Variants in SLC44A5 observed in about 807,000 individuals in gnomAD.
SLC44A5 encodes the protein choline transporter-like protein 5.
SLC44A5 carries 57 observed loss-of-function variants against 101.8 expected under a neutral mutation model. The observed-to-expected ratio is 0.56, with a 90% CI of 0.45 to 0.70. The LOEUF is 0.70. Among genes scored for constraint, SLC44A5 ranks in the 30% least tolerant of loss-of-function variants. The pLI is 0.00. For missense variants in SLC44A5, 737 were observed against 853.1 expected (o/e 0.86, Z 1.70); for synonymous variants, 281 against 290.9 (o/e 0.97, Z 0.35).
intron 4 of SLC44A5, among the ~76,000 whole-genome samples, chr1:75,335,027 C>A (rs1474015140): frequency 6.6e-6 from 1 of 152,184 alleles, no homozygotes; most frequent in African/African-American, 2.4e-5. Flanking sequence ...CAGTTTTGAT[C>A]ATGTCACACC....
chr1:75,608,725 T>A (rs1016399262), intron 1 of SLC44A5, among the ~76,000 whole-genome samples: 1 of 151,984 alleles, frequency 6.6e-6, no homozygotes, highest in African/African-American at 2.4e-5. Flanking sequence ...CACTGTAGGG[T>A]CTTTGCTCTG....
intron 2 of SLC44A5, among the ~76,000 whole-genome samples, chr1:75,457,177 G>A (rs1666231967): frequency 6.6e-6 from 1 of 152,076 alleles, no homozygotes; most frequent in African/African-American, 2.4e-5. Flanking sequence ...TCTTTCGCCT[G>A]TTAATGCAGT....
At chr1:75,232,310 T>C (rs527778449) in intron 12 of SLC44A5, among the ~76,000 whole-genome samples, 2 of 152,290 alleles carry the variant, frequency 1.3e-5, no homozygotes, top group East Asian at 3.9e-4. Context: ...GTTAAGTCAA[T>C]AGCAGACTTT....
At chr1:75,590,860 C>T (rs1260746532) in intron 1 of SLC44A5, among the ~76,000 whole-genome samples, 2 of 152,198 alleles carry the variant, frequency 1.3e-5, no homozygotes, top group South Asian at 4.1e-4. Context: ...TCTGAACCCA[C>T]CTGGAGCTTA....
chr1:75,324,062 G>A (rs138641140), intron 4 of SLC44A5, among the ~76,000 whole-genome samples: 116 of 152,324 alleles, frequency 7.6e-4, no homozygotes, highest in African/African-American at 2.5e-3. Flanking sequence ...ACAGAAGGAT[G>A]CACACTTAAA....
At chr1:75,567,942 T>C (rs1306242508) in intron 1 of SLC44A5, among the ~76,000 whole-genome samples, 1 of 152,218 alleles carries the variant, frequency 6.6e-6, no homozygotes, top group Non-Finnish European at 1.5e-5. Flanking sequence ...CTTCTTAATG[T>C]GTAGCTATTG....
At chr1:75,479,164 C>G (rs1212166827) in intron 2 of SLC44A5, among the ~76,000 whole-genome samples, 1 of 152,034 alleles carries the variant, frequency 6.6e-6, no homozygotes, top group East Asian at 1.9e-4. Context: ...GGGTACATAA[C>G]GAAATGAAGG....
upstream of SLC44A5, chr1:75,615,903 T>TC: frequency 4.1e-6 from 4 of 985,378 alleles, no homozygotes; most frequent in Non-Finnish European, 4.8e-6. Flanking sequence ...TCCCCTTCCC[T>TC]CCCCCGGACC....
At chr1:75,399,222 A>C (rs1447972007) in intron 2 of SLC44A5, among the ~76,000 whole-genome samples, 2 of 152,080 alleles carry the variant, frequency 1.3e-5, no homozygotes, top group Non-Finnish European at 2.9e-5. Flanking sequence ...AGCATCACTA[A>C]TGATGGGTCA....
chr1:75,424,191 C>T (rs766493096), intron 2 of SLC44A5, among the ~76,000 whole-genome samples: 4 of 152,236 alleles, frequency 2.6e-5, no homozygotes, highest in African/African-American at 9.6e-5. Flanking sequence ...ACCGATGACT[C>T]TCAGTCTAAA....
intron 2 of SLC44A5, among the ~76,000 whole-genome samples, chr1:75,443,561 T>C (rs1390384137): frequency 3.3e-5 from 5 of 151,984 alleles, no homozygotes; most frequent in Non-Finnish European, 5.9e-5. Context: ...ATTATAACTA[T>C]TGAAGCATTT....
chr1:75,586,387 T>TGTGTG (rs67069643), intron 1 of SLC44A5, among the ~76,000 whole-genome samples: 2 of 130,170 alleles, frequency 1.5e-5, no homozygotes, highest in African/African-American at 2.8e-5. Context: ...GTGTGTGTGT[T>TGTGTG]TGTGTGTATC....
At chr1:75,357,956 G>T (rs1253255128) in intron 3 of SLC44A5, among the ~76,000 whole-genome samples, 5 of 151,770 alleles carry the variant, frequency 3.3e-5, no homozygotes, top group South Asian at 2.1e-4. Context: ...ATTTAACATG[G>T]TTTTTGCACT....
At chr1:75,595,165 G>C (rs1468508800) in intron 1 of SLC44A5, among the ~76,000 whole-genome samples, 1 of 151,878 alleles carries the variant, frequency 6.6e-6, no homozygotes, top group Admixed American at 6.6e-5. Context: ...AATAATTCTA[G>C]AGTAACAAGT....
rs949774455 is a variant in SLC44A5, at chr1:75,602,769, A to T, written c.-70+8271T>A. Among the ~76,000 whole-genome samples, 5 of 152,124 alleles carry T rather than the reference A, an allele frequency of 3.3e-5. 1 individual carries two copies. The South Asian group carries it at 8.3e-4, about 25-fold the overall frequency. On this transcript the variant is annotated intron_variant, in intron 1 of 23. Transcript: ENST00000370859. ...CAAAGTGAAAGGTGCTGTTAATACT[A>T]GTTTGTGAAGCATAAATGCCCAGTA...
At chr1:75,568,767 A>G (rs1285745955) in intron 1 of SLC44A5, among the ~76,000 whole-genome samples, 1 of 152,192 alleles carries the variant, frequency 6.6e-6, no homozygotes, top group East Asian at 1.9e-4. Context: ...TCACAAGAAT[A>G]GAACATCCTA....
chr1:75,645,206 T>A, the SLC44A5 span, among the ~76,000 whole-genome samples: 6 of 152,254 alleles, frequency 3.9e-5, no homozygotes, highest in South Asian at 2.1e-4. Context: ...CGCCACACTG[T>A]CTTCCACAAT....
At chr1:75,508,326 C>T (rs1669382997) in intron 2 of SLC44A5, among the ~76,000 whole-genome samples, 1 of 151,946 alleles carries the variant, frequency 6.6e-6, no homozygotes. Flanking sequence ...ACATGTCATC[C>T]CAAAATTTCT....
chr1:75,701,919 A>G, the SLC44A5 span, among the ~76,000 whole-genome samples: 5 of 152,312 alleles, frequency 3.3e-5, no homozygotes, highest in East Asian at 9.7e-4. Flanking sequence ...TGCTTCAAAG[A>G]GAATGAAATA....
Sources: allele counts gnomAD v4.1 joint callset (sites outside exome capture counted in the v4.1 genomes callset), GRCh38; gene constraint gnomAD v4.1.1; transcripts MANE v1.5; gene names NCBI Gene and HGNC (gene_info 2026-07-23, HGNC 2026-07-21).